DNAH17: variants seen among roughly 807,000 people sequenced by gnomAD.
DNAH17 encodes axonemal beta dynein heavy chain 17.
Under a neutral mutation model 485.6 loss-of-function variants are expected in DNAH17, and 376 were observed. The observed-to-expected ratio is 0.77, with a 90% CI of 0.71 to 0.84. The LOEUF (loss-of-function observed/expected upper bound fraction) is 0.84, where lower values mean the gene tolerates loss of function less well. DNAH17 is among the 40% of genes least tolerant of loss of function. The probability of loss-of-function intolerance (pLI) is 0.00; values close to 1 mark genes in which losing one functional copy is unlikely to be tolerated. For synonymous variants in DNAH17, 3,031 were observed against 2,405.9 expected, an observed-to-expected ratio of 1.26 and a Z score of -7.60; for missense variants, 6,370 against 5,839.3, an observed-to-expected ratio of 1.09 and a Z score of -2.96.
chr17:78,472,370 C>T (rs1272064740), intron 54 of DNAH17, among the ~76,000 whole-genome samples: 5 of 149,372 alleles, frequency 3.3e-5, no homozygotes, highest in Non-Finnish European at 5.9e-5. Context: ...GTGGCGGGTG[C>T]GAGACACGCA....
Position 78,566,707 on chromosome 17 carries a change from A to G in DNAH17, c.1476T>C (p.Asp492=). ...GDSNFDRDYA[D]FEIKIQDLDR... Reference sequence around the variant, plus strand: ...CCAGGTCTTGGATTTTGATCTCAAAATCAGCATAATCACGGTCAAAATTCT... The same window carrying G: ...CCAGGTCTTGGATTTTGATCTCAAAGTCAGCATAATCACGGTCAAAATTCT... Residue 492 remains aspartate, a synonymous_variant, in exon 11 of 81, where the codon GAT becomes GAC. Coordinates refer to ENST00000389840, the MANE Select transcript of DNAH17 (RefSeq NM_173628.4). The G allele has an allele frequency of 6.2e-7, 1 of 1,606,530 alleles. No individual in the cohort carries two copies. The highest frequency in any genetic ancestry group is 1.1e-5 in the South Asian group (1 of 89,306).
At chr17:78,425,594 A>G (rs1045277313) in intron 79 of DNAH17, 23 bp from the exon 80 acceptor site, 1 of 1,578,600 alleles carries the variant, frequency 6.3e-7, no homozygotes, top group Non-Finnish European at 8.6e-7. Context: ...ACGAGCCGCT[A>G]GGAGGAGAGG....
chr17:78,554,240 G>A lies in DNAH17; in HGVS notation c.2179-1435C>T, dbSNP rs1217161269. Among the ~76,000 whole-genome samples, 3 of 152,000 alleles carry A rather than the reference G, an allele frequency of 2.0e-5. No homozygotes were observed. In the East Asian group the frequency reaches 5.8e-4, roughly 29 times the overall value. ...AGATCACTTAAGGTCAGGAGTTCAA[G>A]ACCAGCCTGGCCAACATGGTGAAAT... On this transcript the variant is annotated intron_variant, in intron 14 of 80. Transcript: ENST00000389840.
At chr17:78,535,459 A>C (rs2091349759) in intron 19 of DNAH17, among the ~76,000 whole-genome samples, 4 of 151,682 alleles carry the variant, frequency 2.6e-5, no homozygotes, top group Admixed American at 2.6e-4. Flanking sequence ...TCCTCATGTC[A>C]CCTCTGTACA....
chr17:78,533,084 C>A (rs2091284084), intron 19 of DNAH17: 1 of 214,642 alleles, frequency 4.7e-6, no homozygotes, highest in East Asian at 1.2e-4. Context: ...AAATAGGAAC[C>A]TTTGCCGATT....
chr17:78,535,833 G>A (rs903197304), intron 19 of DNAH17, among the ~76,000 whole-genome samples: 8 of 152,116 alleles, frequency 5.3e-5, no homozygotes, highest in Non-Finnish European at 8.8e-5. Flanking sequence ...GGCTCATTGT[G>A]ACAATTCACA....
At chr17:78,488,180 C>T (rs1475224915) in intron 44 of DNAH17, among the ~76,000 whole-genome samples, 1 of 152,210 alleles carries the variant, frequency 6.6e-6, no homozygotes, top group Non-Finnish European at 1.5e-5. Context: ...CTCTGATATG[C>T]GTAGCACAGG....
Position 78,494,621 on chromosome 17 carries a change from G to A in DNAH17, c.6242C>T (p.Pro2081Leu). Residue 2081 changes from proline (P) to leucine (L), a missense_variant, in exon 40 of 81, where the codon CCT (proline) becomes CTT (leucine). Transcript: ENST00000389840. ...TTCAAAATTCAGGTCCCGTTTCCGA[G>A]GCACGTCCAGAGCCGGGAAGAGGTC... ...IGDLFPALDV[P>L]RKRDLNFEKI... is the part of the protein sequence containing the mutation. 1 of 1,613,874 alleles carries A rather than the reference G, an allele frequency of 6.2e-7. No individual in the cohort carries two copies. Among genetic ancestry groups the A allele is most frequent in the Non-Finnish European group, 8.5e-7 (1 of 1,179,890 alleles).
rs770124233 is a variant in DNAH17, at chr17:78,571,709, G to T, written c.613C>A (p.Arg205=). ...GCTGAGTCTTTGCTCAGCACATCCC[G>T]GATCTGGTGGGACCAGTCGATGATG... is the stretch of plus-strand genomic sequence containing the variant. ...TTIIDWSHQI[R]DVLSKDSAQA... Residue 205 remains arginine (R), a synonymous_variant, in exon 4 of 81, where the codon CGG becomes AGG. Coordinates refer to ENST00000389840, the MANE Select transcript of DNAH17 (RefSeq NM_173628.4). 2 of 1,613,780 alleles carry T rather than the reference G, an allele frequency of 1.2e-6. No homozygotes were observed. Among genetic ancestry groups the T allele is most frequent in the South Asian group, 2.2e-5 (2 of 91,058 alleles).
rs117016752 is a variant in DNAH17, at chr17:78,542,818, G to A, written c.2532+1039C>T. 6.7e-3 allele frequency among the ~76,000 whole-genome samples: 1,015 copies of A among 152,298 alleles called. 12 individuals are homozygous for A. Among genetic ancestry groups the A allele is most frequent in the Non-Finnish European group, 9.5e-3 (646 of 68,026 alleles). On this transcript the variant is annotated intron_variant, in intron 17 of 80. Transcript: ENST00000389840. ...GCAGGTAGTGATACACCCTGTGCAC[G>A]TTCAAATGGTCCTCGCTCTTCCCAT...
At chr17:78,434,538 C>T (rs188232404) in intron 74 of DNAH17, among the ~76,000 whole-genome samples, 429 of 152,160 alleles carry the variant, frequency 2.8e-3, no homozygotes, top group Non-Finnish European at 5.0e-3. Context: ...TACTTTAATA[C>T]GAAATAATGT....
intron 35 of DNAH17, chr17:78,500,937 T>G (rs1365694957): frequency 7.8e-6 from 3 of 384,646 alleles, no homozygotes; most frequent in Non-Finnish European, 4.6e-6. Flanking sequence ...AGTCTGCTCA[T>G]GAGGGTCCAT....
intron 16 of DNAH17, among the ~76,000 whole-genome samples, chr17:78,549,642 AG>A (rs1420011647): frequency 6.6e-6 from 1 of 152,200 alleles, no homozygotes; most frequent in Admixed American, 6.5e-5. Context: ...GCTCAGGTAA[AG>A]GGGGGTTTAT....
chr17:78,495,228 G>T, intron 38 of DNAH17, 131 bp from the exon 39 acceptor site: 1 of 1,207,962 alleles, frequency 8.3e-7, no homozygotes, highest in Non-Finnish European at 1.1e-6. Context: ...TGAACCTTCG[G>T]TCCTGGAGCC....
chr17:78,423,836 A>G lies in DNAH17; in HGVS notation c.*70T>C. On this transcript the variant is annotated 3_prime_UTR_variant, in exon 81 of 81. Coordinates refer to ENST00000389840, the MANE Select transcript of DNAH17 (RefSeq NM_173628.4). ...CACCAGTTCCTGTAAAGAATAAGTC[A>G]CAGGTGCACAGGTGAAGGGCTGAGT... 3.2e-6 allele frequency: 5 copies of G among 1,569,910 alleles called. No homozygotes were observed. Among genetic ancestry groups the G allele is most frequent in the Non-Finnish European group, 4.3e-6 (5 of 1,150,700 alleles).
intron 54 of DNAH17, among the ~76,000 whole-genome samples, chr17:78,470,068 TC>T (rs1374843568): frequency 8.2e-5 from 7 of 84,944 alleles, no homozygotes; most frequent in African/African-American, 2.7e-4. Flanking sequence ...AATGTCTTAC[TC>T]TTTTTTTTTT....
rs374937322 is a variant in DNAH17, at chr17:78,444,846, C to T, written c.11335-49G>A. On this transcript the variant is annotated intron_variant, in intron 70 of 80. Coordinates refer to ENST00000389840, the MANE Select transcript of DNAH17 (RefSeq NM_173628.4). ...TGTGACTCTTCCCACTTACCCGGGT[C>T]CCGAGAGCCTTCCTGTACAGTTCAT... The T allele has an allele frequency of 6.6e-6, 10 of 1,517,040 alleles. No homozygotes were observed. In the African/African-American group the frequency reaches 1.3e-4, roughly 19 times the overall value. 94.0% of individuals were successfully genotyped at this position (1,517,040 alleles called of 1,614,324 possible).
In DNAH17 at chr17:78,423,990, G is replaced by T; in HGVS notation, c.13305C>A (p.Thr4435=). ...PVYKTRIRGP[T]YVWTFNLKTK... is the part of the protein sequence containing the mutation. ...TCTTCAAGTTAAAGGTCCAGACATA[G>T]GTGGGGCCGCGGATGCGTGTTTTGT... Residue 4435 remains threonine (T), a synonymous_variant, in exon 81 of 81, where the codon ACC becomes ACA. Coordinates refer to ENST00000389840, the MANE Select transcript of DNAH17 (RefSeq NM_173628.4). 7 of 1,614,034 alleles carry T rather than the reference G, an allele frequency of 4.3e-6. No homozygotes were observed. Among genetic ancestry groups the T allele is most frequent in the Non-Finnish European group, 5.9e-6 (7 of 1,179,888 alleles).
Position 78,450,902 on chromosome 17 carries a change from C to T in DNAH17, c.10735-56G>A, listed in dbSNP as rs555420990. ...TGCCTGGCTCTGTCCACCGGGCACCCGGGCCTCCCTCAGGTGGCCATGTAG... is the reference window on the plus strand; with the variant it reads ...TGCCTGGCTCTGTCCACCGGGCACCTGGGCCTCCCTCAGGTGGCCATGTAG... On this transcript the variant is annotated intron_variant, in intron 66 of 80. Transcript: ENST00000389840. 1.2e-4 allele frequency: 197 copies of T among 1,591,296 alleles called. 2 individuals carry two copies. The South Asian group carries it at 1.7e-3, about 14-fold the overall frequency.
Sources: allele counts gnomAD v4.1 joint callset (sites outside exome capture counted in the v4.1 genomes callset), GRCh38; gene constraint gnomAD v4.1.1; transcripts MANE v1.5; gene names NCBI Gene and HGNC (gene_info 2026-07-23, HGNC 2026-07-21).